Variants in PARVB observed in about 807,000 individuals in gnomAD.
PARVB encodes the protein beta-parvin.
In PARVB, 46 loss-of-function variants were observed where a neutral mutation model predicts 47.0. The observed-to-expected ratio is 0.98, with a 90% CI of 0.77 to 1.25. The LOEUF (loss-of-function observed/expected upper bound fraction) is 1.25, where lower values mean the gene tolerates loss of function less well. Ranked by LOEUF, PARVB falls within the 50% of genes most tolerant of loss-of-function variation. PARVB has a pLI of 0.00. For synonymous variants in PARVB, 196 were observed against 196.3 expected, an observed-to-expected ratio of 1.00 and a Z score of 0.01; for missense variants, 473 against 471.6, an observed-to-expected ratio of 1.00 and a Z score of -0.03.
At chr22:44,112,110 G>T (rs2052712522) in intron 3 of PARVB, 1 of 152,174 alleles carries the variant, frequency 6.6e-6, no homozygotes, top group Non-Finnish European at 1.5e-5. Context: ...ACTTGGTGTT[G>T]TCTCTCGAAT....
chr22:44,050,138 G>A (rs376678356), intron 1 of PARVB, among the ~76,000 whole-genome samples: 5 of 152,226 alleles, frequency 3.3e-5, no homozygotes, highest in East Asian at 3.9e-4. Context: ...TCTCGTTGGC[G>A]GCTCTCCTGT....
At chr22:44,024,213 CT>C, upstream of PARVB, 1 of 344,996 alleles carries the variant, frequency 2.9e-6, no homozygotes, top group African/African-American at 2.2e-5. Context: ...CGGGGCCGCG[CT>C]CCAGGCCAGG....
chr22:44,158,016 G>A lies in PARVB; in HGVS notation c.878G>A (p.Gly293Asp). The stretch of plus-strand genomic sequence containing the variant: ...GGCGTGTACCTGGTTCTGCTCATGG[G>A]CCTTCTGGAAGACTACTTTGTTCCT... ...ADGVYLVLLM[G>D]LLEDYFVPLH... Residue 293 changes from glycine (G) to aspartate (D), a missense_variant, in exon 11 of 13, where the codon GGC becomes GAC. Transcript: ENST00000338758. 1.2e-6 allele frequency: 2 copies of A among 1,614,022 alleles called. No individual in the cohort carries two copies. The highest frequency in any genetic ancestry group is 1.7e-6 in the Non-Finnish European group (2 of 1,179,900).
rs144340566 is a variant in PARVB at position 44,142,978 on chromosome 22, G to A, written c.712+2835G>A. ...GGGGGCAGCAGCACGCCTTGTCTTC[G>A]CTTCCCTGCCATGCCATTCCCCTCC... On this transcript the variant is annotated intron_variant, in intron 8 of 12. Coordinates refer to ENST00000338758, the MANE Select transcript of PARVB (RefSeq NM_013327.5). The A allele has an allele frequency of 8.7e-3, 1,333 of 152,372 alleles. 4 individuals are homozygous for A. Among genetic ancestry groups the A allele is most frequent in the Middle Eastern group, 0.017 (5 of 294 alleles). 9.4% of individuals were successfully genotyped at this position (152,372 alleles called of 1,614,324 possible).
At chr22:44,071,654 T>A (rs1286081082) in intron 1 of PARVB, among the ~76,000 whole-genome samples, 1 of 152,162 alleles carries the variant, frequency 6.6e-6, no homozygotes, top group Non-Finnish European at 1.5e-5. Flanking sequence ...GTTTGTCACC[T>A]CCTTCCAAAC....
At chr22:44,161,018 A>G (rs1248159042) in intron 11 of PARVB, among the ~76,000 whole-genome samples, 1 of 152,212 alleles carries the variant, frequency 6.6e-6, no homozygotes, top group Admixed American at 6.5e-5. Context: ...TGACTTTTAC[A>G]ATGGAGAAGA....
chr22:44,077,940 C>A (rs11703451), intron 1 of PARVB, among the ~76,000 whole-genome samples: 6 of 152,026 alleles, frequency 3.9e-5, no homozygotes, highest in Admixed American at 1.3e-4. Flanking sequence ...TCAAGTGATC[C>A]GCCCACCTCA....
At chr22:44,048,314 G>C (rs1469009644) in intron 1 of PARVB, among the ~76,000 whole-genome samples, 4 of 152,150 alleles carry the variant, frequency 2.6e-5, no homozygotes, top group Non-Finnish European at 5.9e-5. Context: ...TATGTGGAGA[G>C]CACTCATGAC....
In PARVB at chr22:44,151,538, A is replaced by G. The variant is rs149608527; in HGVS notation, c.830A>G (p.Glu277Gly). The G allele has an allele frequency of 9.7e-4, 1,560 of 1,613,322 alleles. 16 individuals are homozygous for G. The African/African-American group carries it at 0.019, about 19-fold the overall frequency. ...HLNKLNLEVT[E>G]LETQFADGVY... ...AACAAGCTGAATTTGGAGGTGACGG[A>G]ACTGGAGACCCAGGTATGTGCTGCT... is the stretch of plus-strand genomic sequence containing the variant. The change falls in exon 10 of 13, where the codon GAA becomes GGA. Residue 277 changes from glutamate (E) to glycine (G), a missense_variant. Glu to Gly is a moderately conservative substitution (Grantham distance 98). Coordinates refer to ENST00000338758, the MANE Select transcript of PARVB (RefSeq NM_013327.5).
At position 44,171,610 on chromosome 22, in the gene PARVB, G is replaced by A. The variant is rs2054270196; in HGVS notation, c.*2932G>A. On this transcript the variant is annotated 3_prime_UTR_variant, in exon 13 of 13. Coordinates refer to ENST00000338758, the MANE Select transcript of PARVB (RefSeq NM_013327.5). ...AGAGGGGAGAGGACGGTTACTGTGG[G>A]AGGGGGCTTCAGCTTCTCAGGGAGG... 1 of 152,190 alleles carries A rather than the reference G, an allele frequency of 6.6e-6. No homozygotes were observed. The highest frequency in any genetic ancestry group is 2.4e-5 in the African/African-American group (1 of 41,432). 9.4% of individuals were successfully genotyped at this position (152,190 alleles called of 1,614,324 possible).
At position 44,056,074 on chromosome 22, in the gene PARVB, G is replaced by T. The variant is rs78434493; in HGVS notation, c.112+31623G>T. Among the ~76,000 whole-genome samples the T allele has an allele frequency of 3.9e-5, 6 of 152,316 alleles. No homozygotes were observed. In the South Asian group the frequency reaches 6.2e-4, roughly 16 times the overall value. On this transcript the variant is annotated intron_variant, in intron 1 of 12. Transcript: ENST00000338758. ...TTGTCTTTCCTTGCGTTTTGCACAC[G>T]CATGCATCTCTGTCCCTCACTTTCT...
At chr22:44,126,682 A>G (rs557194969) in intron 4 of PARVB, among the ~76,000 whole-genome samples, 42 of 152,262 alleles carry the variant, frequency 2.8e-4, no homozygotes, top group Admixed American at 2.3e-3. Flanking sequence ...AGTCCCCCCA[A>G]TTGGTACTTT....
At chr22:44,084,743 G>A (rs746978204) in intron 1 of PARVB, among the ~76,000 whole-genome samples, 4 of 152,222 alleles carry the variant, frequency 2.6e-5, no homozygotes, top group African/African-American at 7.2e-5. Flanking sequence ...TGTGTCCCCC[G>A]AGGCAGCCAG....
At chr22:44,131,463 C>A in intron 4 of PARVB, 24 bp from the exon 5 acceptor site, 1 of 1,611,638 alleles carries the variant, frequency 6.2e-7, no homozygotes, top group South Asian at 1.1e-5. Context: ...TTCTGACCCT[C>A]TTCTCTTGTG....
chr22:44,151,858 G>A (rs1326032398), intron 10 of PARVB: 27 of 312,466 alleles, frequency 8.6e-5, no homozygotes, highest in South Asian at 6.6e-4. Flanking sequence ...AGGCTGTGAG[G>A]GAGGAGCTGT....
At chr22:44,116,578 G>A (rs755916462) in intron 3 of PARVB, among the ~76,000 whole-genome samples, 10 of 152,244 alleles carry the variant, frequency 6.6e-5, no homozygotes, top group African/African-American at 1.4e-4. Flanking sequence ...GAGCTCTGGC[G>A]CCAGGCAGCA....
intron 1 of PARVB, among the ~76,000 whole-genome samples, chr22:44,030,705 G>A (rs1007154254): frequency 3.9e-5 from 6 of 152,252 alleles, no homozygotes; most frequent in African/African-American, 1.4e-4. Context: ...GCGGGCTGCA[G>A]CCCCTCTGAT....
rs2052486143 is a variant in PARVB at position 44,103,025 on chromosome 22, T to C, written c.273+2902T>C. 6.6e-6 allele frequency: 1 copy of C among 152,410 alleles called. No individual in the cohort carries two copies. The highest frequency in any genetic ancestry group is 6.5e-5 in the Admixed American group (1 of 15,292). 9.4% of individuals were successfully genotyped at this position (152,410 alleles called of 1,614,324 possible). A position where few individuals can be genotyped will look rare whatever the true frequency, so the allele number is the denominator to read the frequency against. On this transcript the variant is annotated intron_variant, in intron 3 of 12. Coordinates refer to ENST00000338758, the MANE Select transcript of PARVB (RefSeq NM_013327.5). The surrounding 1 kb of genome is among the most constrained non-coding windows in gnomAD (Gnocchi z 4.6). ...GGATGGATAAGTGACTTCCCTGCTA[T>C]GCAGGATTTGATTTATGTTCCTCCT...
chr22:44,069,034 C>A, intron 1 of PARVB: 1 of 1,318,400 alleles, frequency 7.6e-7, no homozygotes, highest in East Asian at 2.4e-5. Flanking sequence ...GAGGCTTTCC[C>A]TTGAAGTGCA....
Sources: gnomAD v4.1 joint callset for allele counts (sites outside exome capture counted in the v4.1 genomes callset) on GRCh38, gnomAD v4.1.1 for gene constraint, Gnocchi (gnomAD v3.1) non-coding constraint, MANE v1.5 for transcripts, NCBI Gene and HGNC (gene_info 2026-07-23, HGNC 2026-07-21) for gene names.